EBF1: variants seen among roughly 807,000 people sequenced by gnomAD.
EBF1 encodes EBF transcription factor 1, also known as transcription factor COE1.
A neutral mutation model predicts 68.4 loss-of-function variants in EBF1; 10 were observed. The observed-to-expected ratio is 0.15, with a 90% CI of 0.09 to 0.25. EBF1 has a LOEUF of 0.25. EBF1 is among the 10% of genes least tolerant of loss of function. The probability of loss-of-function intolerance (pLI) is 1.00; values close to 1 mark genes in which losing one functional copy is unlikely to be tolerated. For missense variants in EBF1, 509 were observed against 794.4 expected (o/e 0.64, Z 4.32); for synonymous variants, 298 against 299.8 (o/e 0.99, Z 0.06).
chr5:159,043,290 T>C (rs1771629600), intron 6 of EBF1, among the ~76,000 whole-genome samples: 1 of 152,228 alleles, frequency 6.6e-6, no homozygotes, highest in African/African-American at 2.4e-5. Flanking sequence ...ATTTGCTCAG[T>C]TTGATCATCA....
chr5:158,752,907 G>T (rs970372352), intron 10 of EBF1, among the ~76,000 whole-genome samples: 1 of 152,034 alleles, frequency 6.6e-6, no homozygotes, highest in Non-Finnish European at 1.5e-5. Flanking sequence ...ATTTTGGAAA[G>T]TTAAGTGAAA....
intron 6 of EBF1, among the ~76,000 whole-genome samples, chr5:158,992,402 A>C (rs1305230653): frequency 6.6e-6 from 1 of 152,046 alleles, no homozygotes; most frequent in Non-Finnish European, 1.5e-5. Context: ...AGTTATAAAT[A>C]CATTTAGATC....
intron 6 of EBF1, among the ~76,000 whole-genome samples, chr5:158,992,224 G>GAA (rs35596220): frequency 0.021 from 2,872 of 139,348 alleles, 36 homozygotes; most frequent in East Asian, 0.051. Flanking sequence ...CCTTGTAAGG[G>GAA]AAAAAAAAAA....
At chr5:158,764,203 T>C (rs528338544) in intron 10 of EBF1, among the ~76,000 whole-genome samples, 1 of 152,316 alleles carries the variant, frequency 6.6e-6, no homozygotes, top group South Asian at 2.1e-4. Context: ...TAGAGCTCTA[T>C]AGTCATACAG....
intron 10 of EBF1, among the ~76,000 whole-genome samples, chr5:158,743,503 G>A (rs184899469): frequency 3.9e-5 from 6 of 152,310 alleles, no homozygotes; most frequent in Admixed American, 3.9e-4. Flanking sequence ...GCAACACGAT[G>A]TGATCAACAT....
At chr5:158,941,661 T>C (rs1813434000) in intron 6 of EBF1, among the ~76,000 whole-genome samples, 1 of 152,214 alleles carries the variant, frequency 6.6e-6, no homozygotes, top group Non-Finnish European at 1.5e-5. Context: ...CTTGGTATAG[T>C]GGGGGTGTGA....
At chr5:158,995,911 C>G (rs1761321313) in intron 6 of EBF1, among the ~76,000 whole-genome samples, 1 of 152,158 alleles carries the variant, frequency 6.6e-6, no homozygotes, top group Non-Finnish European at 1.5e-5. Context: ...GCAGAGCCCC[C>G]CAAAACATAT....
chr5:158,976,972 C>T (rs1756898956), intron 6 of EBF1, among the ~76,000 whole-genome samples: 1 of 152,196 alleles, frequency 6.6e-6, no homozygotes. Flanking sequence ...TCTTCTACTG[C>T]TCCTGGGGTA....
intron 14 of EBF1, 78 bp from the exon 15 acceptor site, chr5:158,708,251 A>T: frequency 7.0e-7 from 1 of 1,421,932 alleles, no homozygotes; most frequent in South Asian, 1.3e-5. Context: ...TCCATCCCTC[A>T]CCCAGCCACC....
chr5:158,843,165 A>G (rs573936464), intron 6 of EBF1, among the ~76,000 whole-genome samples: 21 of 152,160 alleles, frequency 1.4e-4, no homozygotes, highest in African/African-American at 4.3e-4. Flanking sequence ...TTGCTTCCCC[A>G]GGGTTGGTAA....
At chr5:158,717,525 G>A (rs1761001480) in intron 11 of EBF1, among the ~76,000 whole-genome samples, 1 of 152,046 alleles carries the variant, frequency 6.6e-6, no homozygotes, top group East Asian at 1.9e-4. Context: ...TATTTGTCAG[G>A]GGAGATTTTC....
chr5:158,869,571 C>G (rs1385081145), intron 6 of EBF1, among the ~76,000 whole-genome samples: 1 of 118,862 alleles, frequency 8.4e-6, no homozygotes, highest in African/African-American at 3.3e-5. Flanking sequence ...TGGCCCAGAT[C>G]CTAATAAACA....
rs549610672 is a variant in EBF1 at position 158,847,512 on chromosome 5, C to T, written c.555-7402G>A. Reference sequence around the variant, plus strand: ...ACTTCTGGCTATCTGGCCCAACTTACTCCCCTAGCAATGTCTGACTGGAAA... The same window carrying T: ...ACTTCTGGCTATCTGGCCCAACTTATTCCCCTAGCAATGTCTGACTGGAAA... On this transcript the variant is annotated intron_variant, in intron 6 of 15. Transcript: ENST00000313708. Among the ~76,000 whole-genome samples the T allele has an allele frequency of 1.7e-3, 264 of 152,306 alleles. 2 individuals carry two copies. Among genetic ancestry groups the T allele is most frequent in the African/African-American group, 6.2e-3 (257 of 41,564 alleles).
intron 6 of EBF1, among the ~76,000 whole-genome samples, chr5:158,910,241 T>C (rs1448757564): frequency 6.6e-6 from 1 of 152,168 alleles, no homozygotes; most frequent in African/African-American, 2.4e-5. Context: ...AGAAACAGGG[T>C]GGCCACCCAC....
At chr5:158,869,487 G>T (rs1279445040) in intron 6 of EBF1, among the ~76,000 whole-genome samples, 2 of 151,868 alleles carry the variant, frequency 1.3e-5, no homozygotes, top group South Asian at 2.1e-4. Context: ...TGAAATCCTT[G>T]AGACCCTCCT....
chr5:159,088,396 C>T (rs1161164775), intron 4 of EBF1, among the ~76,000 whole-genome samples: 1 of 152,144 alleles, frequency 6.6e-6, no homozygotes, highest in Non-Finnish European at 1.5e-5. Flanking sequence ...GCATACACAT[C>T]AACACTGGTC....
At chr5:158,777,150 CCTTCT>C (rs1775462685) in intron 10 of EBF1, among the ~76,000 whole-genome samples, 1 of 152,106 alleles carries the variant, frequency 6.6e-6, no homozygotes, top group Non-Finnish European at 1.5e-5. Context: ...ACCTCTTTCC[CCTTCT>C]CTTATTTTTC....
At chr5:159,053,729 T>A (rs762023044) in intron 6 of EBF1, among the ~76,000 whole-genome samples, 1 of 152,160 alleles carries the variant, frequency 6.6e-6, no homozygotes, top group Non-Finnish European at 1.5e-5. Context: ...AATGAGTATA[T>A]GTACCCCGGA....
chr5:158,802,476 T>C (rs1780782946), intron 8 of EBF1, among the ~76,000 whole-genome samples: 1 of 152,138 alleles, frequency 6.6e-6, no homozygotes, highest in South Asian at 2.1e-4. Flanking sequence ...ACGTGCACAC[T>C]CTCCTTTTCC....
Sources: allele counts gnomAD v4.1 joint callset (sites outside exome capture counted in the v4.1 genomes callset), GRCh38; gene constraint gnomAD v4.1.1; transcripts MANE v1.5; gene names NCBI Gene and HGNC (gene_info 2026-07-23, HGNC 2026-07-21).